Variants in COL15A1 observed in about 807,000 individuals in gnomAD.
The protein encoded by COL15A1 is collagen type XV alpha 1 chain.
In COL15A1, 111 loss-of-function variants were observed where a neutral mutation model predicts 165.9. The ratio of observed to expected loss-of-function variants is 0.67; its 90% CI spans 0.57 to 0.78. The LOEUF (loss-of-function observed/expected upper bound fraction) is 0.78. Ranked by LOEUF, COL15A1 falls within the 30% of genes least tolerant of loss-of-function variation. COL15A1 has a pLI of 0.00. For synonymous variants in COL15A1, 659 were observed against 674.8 expected, an observed-to-expected ratio of 0.98 and a Z score of 0.36; for missense variants, 1,745 against 1,789.7, an observed-to-expected ratio of 0.98 and a Z score of 0.45.
At chr9:98,965,471 A>G (rs1449179292) in intron 2 of COL15A1, among the ~76,000 whole-genome samples, 1 of 152,148 alleles carries the variant, frequency 6.6e-6, no homozygotes, top group Non-Finnish European at 1.5e-5. Flanking sequence ...GAGCTAATGC[A>G]CCTAAGTGCT....
intron 2 of COL15A1, among the ~76,000 whole-genome samples, chr9:98,982,922 C>T (rs937515082): frequency 6.6e-6 from 1 of 152,220 alleles, no homozygotes; most frequent in African/African-American, 2.4e-5. Flanking sequence ...TTGTGAGCCA[C>T]AGTGTGTCCA....
chr9:99,042,045 G>C lies in COL15A1; in HGVS notation c.2512G>C (p.Gly838Arg). The C allele has an allele frequency of 6.2e-7, 1 of 1,602,972 alleles. No homozygotes were observed. The highest frequency in any genetic ancestry group is 8.5e-7 in the Non-Finnish European group (1 of 1,171,464). ...DGLPGLPGFP[G>R]PRGPKGDTGL... ...AATACTATATAACAATTCCTTCCAGGGTCCTAGAGGACCAAAAGGTGACAC... is the reference window on the plus strand; with the variant it reads ...AATACTATATAACAATTCCTTCCAGCGTCCTAGAGGACCAAAAGGTGACAC... The change falls in exon 24 of 42, where the codon GGT becomes CGT. Residue 838 changes from glycine to arginine, a missense_variant and splice_region_variant. Physicochemically the swap from Gly to Arg is moderately radical, Grantham distance 125. Coordinates refer to ENST00000375001, the MANE Select transcript of COL15A1 (RefSeq NM_001855.5).
intron 2 of COL15A1, among the ~76,000 whole-genome samples, chr9:98,965,908 A>G (rs930488903): frequency 3.9e-5 from 6 of 152,072 alleles, no homozygotes; most frequent in Admixed American, 3.9e-4. Context: ...AGCCCAGCCC[A>G]GGTCACCTGT....
intron 26 of COL15A1, among the ~76,000 whole-genome samples, chr9:99,045,313 C>T (rs1279895180): frequency 6.6e-6 from 1 of 152,218 alleles, no homozygotes; most frequent in African/African-American, 2.4e-5. Flanking sequence ...CACAAAACCT[C>T]TCTGGGATTT....
rs747942682 is a variant in COL15A1 at position 99,047,806 on chromosome 9, A to G, written c.2700A>G (p.Gly900=). ...PGPMGPKGPP[G]HKGEFGLPGR... is the part of the protein sequence containing the mutation. ...TCTAGGGGCCCAAAGGACCACCAGG[A>G]CATAAAGGAGAATTTGGCCTTCCCG... Residue 900 remains glycine (G), a synonymous_variant, in exon 27 of 42, where the codon GGA becomes GGG. Coordinates refer to ENST00000375001, the MANE Select transcript of COL15A1 (RefSeq NM_001855.5). 3.7e-6 allele frequency: 6 copies of G among 1,613,940 alleles called. No individual in the cohort carries two copies. Among genetic ancestry groups the G allele is most frequent in the Non-Finnish European group, 4.2e-6 (5 of 1,179,992 alleles).
chr9:99,061,713 C>T lies in COL15A1; in HGVS notation c.3403-258C>T, dbSNP rs10115682. Among the ~76,000 whole-genome samples the T allele has an allele frequency of 6.2e-3, 949 of 152,316 alleles. 4 individuals are homozygous for T. Among genetic ancestry groups the T allele is most frequent in the African/African-American group, 0.02 (851 of 41,572 alleles). On this transcript the variant is annotated intron_variant, in intron 36 of 41. Transcript: ENST00000375001. ...CAATTTGTAAATGTCTTTATACTCA[C>T]ATAATATTGTCATTTTTGTTTTAAT...
chr9:98,955,824 C>T (rs1837766738), intron 2 of COL15A1, among the ~76,000 whole-genome samples: 1 of 152,188 alleles, frequency 6.6e-6, no homozygotes, highest in South Asian at 2.1e-4. Flanking sequence ...GAAATAGGCC[C>T]AGCCAACTGC....
chr9:99,039,044 T>G (rs1308301201), intron 22 of COL15A1, among the ~76,000 whole-genome samples: 3 of 152,332 alleles, frequency 2.0e-5, no homozygotes, highest in South Asian at 4.1e-4. Context: ...TTATTTACAT[T>G]ATCTTATTTC....
At chr9:99,033,236 G>A (rs1429651277) in intron 16 of COL15A1, among the ~76,000 whole-genome samples, 1 of 152,238 alleles carries the variant, frequency 6.6e-6, no homozygotes, top group Non-Finnish European at 1.5e-5. Context: ...CATCAGGCAG[G>A]GCACCTCAGC....
Position 99,016,013 on chromosome 9 carries a change from C to T in COL15A1, c.1541C>T (p.Thr514Ile). The T allele has an allele frequency of 6.2e-7, 1 of 1,614,072 alleles. No individual in the cohort carries two copies. The highest frequency in any genetic ancestry group is 8.5e-7 in the Non-Finnish European group (1 of 1,179,970). The change falls in exon 11 of 42, where the codon ACA becomes ATA. Residue 514 changes from threonine (T) to isoleucine (I), a missense_variant. Transcript: ENST00000375001. ...GDEEDLAAATTEEPLITAGGE... is the reference protein window; with the variant it reads ...GDEEDLAAATIEEPLITAGGE... ...GAAGAAGACTTGGCAGCAGCCACAA[C>T]AGAGGAGCCCCTCATCACAGCTGGG...
chr9:99,047,093 A>T (rs1839504222), intron 26 of COL15A1, among the ~76,000 whole-genome samples: 1 of 152,252 alleles, frequency 6.6e-6, no homozygotes, highest in African/African-American at 2.4e-5. Context: ...AATTTGTTCT[A>T]GGAAGACATA....
chr9:99,022,218 AGGC>A, intron 13 of COL15A1, 68 bp downstream of exon 13: 1 of 1,603,768 alleles, frequency 6.2e-7, no homozygotes, highest in Non-Finnish European at 8.5e-7. Flanking sequence ...AAACAGCCAC[AGGC>A]TGAGGACTCT....
At chr9:98,971,590 GATCC>G (rs771713761) in intron 2 of COL15A1, among the ~76,000 whole-genome samples, 15 of 152,190 alleles carry the variant, frequency 9.9e-5, no homozygotes, top group Admixed American at 2.6e-4. Flanking sequence ...TTGTGCCCAG[GATCC>G]AGGAAACAGA....
rs774578548 is a variant in COL15A1 at position 99,035,017 on chromosome 9, G to A, written c.2083G>A (p.Asp695Asn). ...CAGCCTGCCCTCTTTCCTACAGGGT[G>A]ACCCTGGCAACAGAGGCTTACCTGG... Reference protein sequence around the residue: ...GPNGSVGEKGDPGNRGLPGPP... With the variant: ...GPNGSVGEKGNPGNRGLPGPP... Residue 695 changes from aspartate (D) to asparagine (N), a missense_variant, in exon 18 of 42, where the codon GAC (aspartate) becomes AAC (asparagine). Coordinates refer to ENST00000375001, the MANE Select transcript of COL15A1 (RefSeq NM_001855.5). 3 of 1,613,166 alleles carry A rather than the reference G, an allele frequency of 1.9e-6. No individual in the cohort carries two copies. The South Asian group carries it at 3.3e-5, about 18-fold the overall frequency.
chr9:99,055,230 T>C (rs761048137), intron 33 of COL15A1, 32 bp from the exon 34 acceptor site: 7 of 1,585,176 alleles, frequency 4.4e-6, no homozygotes, highest in Non-Finnish European at 6.1e-6. Context: ...ATCCCACTCT[T>C]ACTGAAATAT....
chr9:99,022,712 A>T (rs1320236074), intron 13 of COL15A1, among the ~76,000 whole-genome samples: 3 of 152,184 alleles, frequency 2.0e-5, no homozygotes, highest in Non-Finnish European at 4.4e-5. Flanking sequence ...GGTGCCTCTC[A>T]GGGGGTGCTC....
At chr9:99,013,982 T>C (rs536784677) in intron 9 of COL15A1, among the ~76,000 whole-genome samples, 1 of 150,978 alleles carries the variant, frequency 6.6e-6, no homozygotes, top group African/African-American at 2.4e-5. Context: ...GTGTTTTTTT[T>C]TCCCCTCTCT....
At chr9:99,066,322 G>A (rs1449106137) in intron 39 of COL15A1, among the ~76,000 whole-genome samples, 1 of 152,220 alleles carries the variant, frequency 6.6e-6, no homozygotes, top group Non-Finnish European at 1.5e-5. Context: ...AAGACCCCTA[G>A]TTCCAGAAGG....
At chr9:99,034,062 C>G (rs574447112) in intron 16 of COL15A1, among the ~76,000 whole-genome samples, 7 of 152,174 alleles carry the variant, frequency 4.6e-5, no homozygotes, top group Non-Finnish European at 8.8e-5. Context: ...CTTCTGGGGA[C>G]TACTCCAGCC....
Sources: gnomAD v4.1 joint callset for allele counts (sites outside exome capture counted in the v4.1 genomes callset) on GRCh38, gnomAD v4.1.1 for gene constraint, MANE v1.5 for transcripts, NCBI Gene and HGNC (gene_info 2026-07-23, HGNC 2026-07-21) for gene names.